ZFHX3: variants seen among roughly 807,000 people sequenced by gnomAD.
ZFHX3 encodes zinc finger homeobox 3.
A neutral mutation model predicts 279.1 loss-of-function variants in ZFHX3; 42 were observed. That is an observed-to-expected ratio of 0.15 (90% CI 0.12 to 0.19). The LOEUF (loss-of-function observed/expected upper bound fraction) is 0.19. ZFHX3 is among the 10% of genes least tolerant of loss of function. The pLI is 1.00. For missense variants in ZFHX3, 4,981 were observed against 4,754.0 expected, an observed-to-expected ratio of 1.05 and a Z score of -1.40; for synonymous variants, 2,293 against 1,957.8, an observed-to-expected ratio of 1.17 and a Z score of -4.52.
At chr16:73,734,948 G>A (rs749203423) in intron 1 of ZFHX3, among the ~76,000 whole-genome samples, 8 of 152,076 alleles carry the variant, frequency 5.3e-5, no homozygotes, top group Admixed American at 6.6e-5. Flanking sequence ...TTTCCAGGAG[G>A]AATGATATTT....
At chr16:73,176,635 T>A (rs1967672806) in intron 5 of ZFHX3, among the ~76,000 whole-genome samples, 1 of 145,620 alleles carries the variant, frequency 6.9e-6, no homozygotes, top group Admixed American at 6.9e-5. Context: ...TCCTTAAACC[T>A]CCATGCACTT....
At chr16:73,819,782 A>T (rs1349670111) in intron 1 of ZFHX3, among the ~76,000 whole-genome samples, 1 of 152,192 alleles carries the variant, frequency 6.6e-6, no homozygotes. Flanking sequence ...GCACATTCAG[A>T]ATGTCACCTA....
intron 2 of ZFHX3, among the ~76,000 whole-genome samples, chr16:73,631,495 A>G (rs1383920844): frequency 6.6e-6 from 1 of 152,188 alleles, no homozygotes; most frequent in East Asian, 1.9e-4. Flanking sequence ...ATAAATTACA[A>G]ATCTATGCAC....
chr16:73,417,109 A>G (rs2017604130), intron 3 of ZFHX3, among the ~76,000 whole-genome samples: 1 of 152,044 alleles, frequency 6.6e-6, no homozygotes, highest in South Asian at 2.1e-4. Flanking sequence ...GCTGCCCAAA[A>G]CATACGCATG....
chr16:72,835,256 A>T (rs942182013), intron 4 of ZFHX3, among the ~76,000 whole-genome samples: 2 of 152,218 alleles, frequency 1.3e-5, no homozygotes, highest in Non-Finnish European at 2.9e-5. Context: ...CAGGTTTGAA[A>T]TATTTAGCAG....
intron 3 of ZFHX3, among the ~76,000 whole-genome samples, chr16:73,394,905 A>T (rs1276053813): frequency 1.3e-5 from 2 of 152,148 alleles, no homozygotes; most frequent in Non-Finnish European, 2.9e-5. Context: ...GGGTAAAGAC[A>T]TTTGCCTTGG....
chr16:73,634,805 G>A (rs1597039001), intron 2 of ZFHX3, among the ~76,000 whole-genome samples: 1 of 152,088 alleles, frequency 6.6e-6, no homozygotes. Context: ...AAAGGAACAG[G>A]ACTACCTTCT....
At chr16:73,685,678 C>T (rs1251896895) in intron 1 of ZFHX3, among the ~76,000 whole-genome samples, 1 of 152,198 alleles carries the variant, frequency 6.6e-6, no homozygotes, top group Non-Finnish European at 1.5e-5. Flanking sequence ...GTAGAAATTT[C>T]TTTGTGGGTC....
intron 5 of ZFHX3, among the ~76,000 whole-genome samples, chr16:73,218,485 C>T (rs932227517): frequency 6.6e-6 from 1 of 152,116 alleles, no homozygotes; most frequent in African/African-American, 2.4e-5. Flanking sequence ...AATATAAATA[C>T]AGGTCAAGTG....
chr16:73,629,655 A>G (rs1401270655), intron 2 of ZFHX3, among the ~76,000 whole-genome samples: 1 of 151,968 alleles, frequency 6.6e-6, no homozygotes, highest in East Asian at 1.9e-4. Context: ...AAAAAAAAAG[A>G]AAGAAAGAAA....
At chr16:73,328,493 C>T (rs569364627) in intron 3 of ZFHX3, among the ~76,000 whole-genome samples, 35 of 152,256 alleles carry the variant, frequency 2.3e-4, no homozygotes, top group Non-Finnish European at 3.4e-4. Flanking sequence ...TTTAATGAGG[C>T]ACGTTTAATT....
intron 3 of ZFHX3, among the ~76,000 whole-genome samples, chr16:73,336,607 C>T (rs913957411): frequency 3.9e-5 from 6 of 151,958 alleles, no homozygotes; most frequent in Non-Finnish European, 7.4e-5. Flanking sequence ...ATGGTGTATA[C>T]GTGCCATATT....
chr16:73,220,783 T>C (rs1422342547), intron 5 of ZFHX3, among the ~76,000 whole-genome samples: 1 of 152,144 alleles, frequency 6.6e-6, no homozygotes, highest in African/African-American at 2.4e-5. Flanking sequence ...TGTGTTTGTG[T>C]GTGTGTCTGT....
chr16:73,424,753 CAAAA>C lies in ZFHX3; in HGVS notation c.-1291+31246_-1291+31249del, dbSNP rs71156163. ...TGGGAGACAGAGTGATACCCTGTGT[CAAAA>C]AAAAAAAAAAAAAAAAAAAAGAGAA... On this transcript the variant is annotated intron_variant, in intron 3 of 17. Transcript: ENST00000641206. Among the ~76,000 whole-genome samples, 372 of 95,770 alleles carry C rather than the reference CAAAA, an allele frequency of 3.9e-3. 1 individual carries two copies. Among genetic ancestry groups the C allele is most frequent in the African/African-American group, 0.016 (349 of 21,380 alleles). 62.8% of individuals were successfully genotyped at this position (95,770 alleles called of 152,430 possible).
intron 2 of ZFHX3, among the ~76,000 whole-genome samples, chr16:73,657,644 A>C (rs1231691844): frequency 6.6e-6 from 1 of 151,900 alleles, no homozygotes; most frequent in African/African-American, 2.4e-5. Flanking sequence ...CCCACTATTT[A>C]TTTTATATCT....
chr16:73,357,700 A>G (rs899091089), intron 3 of ZFHX3, among the ~76,000 whole-genome samples: 2 of 152,164 alleles, frequency 1.3e-5, no homozygotes, highest in African/African-American at 4.8e-5. Flanking sequence ...ACCTGGCAGG[A>G]ATTTTTAGGG....
intron 1 of ZFHX3, among the ~76,000 whole-genome samples, chr16:73,807,873 C>A (rs1338050701): frequency 6.6e-6 from 1 of 151,950 alleles, no homozygotes. Context: ...GGCATCGTAC[C>A]AGGCCCTGTG....
intron 1 of ZFHX3, among the ~76,000 whole-genome samples, chr16:73,859,065 T>G (rs908340032): frequency 1.3e-5 from 2 of 152,198 alleles, no homozygotes; most frequent in African/African-American, 4.8e-5. Context: ...TGGGGAAAAG[T>G]AGCTGTACAG....
intron 2 of ZFHX3, among the ~76,000 whole-genome samples, chr16:73,671,339 C>T (rs1267371528): frequency 6.6e-6 from 1 of 152,150 alleles, no homozygotes; most frequent in Non-Finnish European, 1.5e-5. Context: ...GGAGCAAAGC[C>T]AGCATCAGTG....
Sources: allele counts gnomAD v4.1 joint callset (sites outside exome capture counted in the v4.1 genomes callset), GRCh38; gene constraint gnomAD v4.1.1; transcripts MANE v1.5; gene names NCBI Gene and HGNC (gene_info 2026-07-23, HGNC 2026-07-21).